Variants in ZCWPW1 observed in about 807,000 individuals in gnomAD.
ZCWPW1 encodes the protein zinc finger CW-type and PWWP domain containing 1, also known as zinc finger CW-type PWWP domain protein 1.
A neutral mutation model predicts 81.3 loss-of-function variants in ZCWPW1; 56 were observed. That is an observed-to-expected ratio of 0.69 (90% CI 0.56 to 0.86). The LOEUF (loss-of-function observed/expected upper bound fraction) is 0.86. Among genes scored for constraint, ZCWPW1 ranks in the 40% least tolerant of loss-of-function variants. The pLI, the probability that ZCWPW1 is intolerant of heterozygous loss-of-function variation, is 0.00. For synonymous variants in ZCWPW1, 250 were observed against 273.7 expected (o/e 0.91, Z 0.86); for missense variants, 650 against 769.8 (o/e 0.84, Z 1.84).
At position 100,402,648 on chromosome 7, in the gene ZCWPW1, C is replaced by T. The variant is rs1792167032; in HGVS notation, c.1414-72G>A. The T allele has an allele frequency of 4.1e-6, 6 of 1,478,678 alleles. No homozygotes were observed. The South Asian group carries it at 6.8e-5, about 17-fold the overall frequency. 91.6% of individuals were successfully genotyped at this position (1,478,678 alleles called of 1,614,324 possible). On this transcript the variant is annotated intron_variant, in intron 15 of 17. Coordinates refer to ENST00000684423, the MANE Select transcript of ZCWPW1 (RefSeq NM_001386010.1). Reference sequence around the variant, plus strand: ...TAACTGTTTTTAATAGAGAAGGATGCTACAGAATGACAGGTGGGCTTTGGG... The same window carrying T: ...TAACTGTTTTTAATAGAGAAGGATGTTACAGAATGACAGGTGGGCTTTGGG...
rs372979817 is a variant in ZCWPW1 at position 100,401,233 on chromosome 7, C to T, written c.1731G>A (p.Ala577=). 155 of 1,614,132 alleles carry T rather than the reference C, an allele frequency of 9.6e-5. No individual in the cohort carries two copies. Among genetic ancestry groups the T allele is most frequent in the African/African-American group, 3.6e-4 (27 of 74,952 alleles). Residue 577 remains alanine, a synonymous_variant, in exon 18 of 18, where the codon GCG becomes GCA. Coordinates refer to ENST00000684423, the MANE Select transcript of ZCWPW1 (RefSeq NM_001386010.1). ...CAGATGAGGGGCAGGCCCCCTTACA[C>T]GCTGATAGGCCCAGGTTCTTTGGCA... The part of the protein sequence containing the change: ...RTVPKNLGLS[A]CKGACPSSAK...
At chr7:100,403,594 TG>T in intron 15 of ZCWPW1, 99 bp downstream of exon 15, 1 of 945,930 alleles carries the variant, frequency 1.1e-6, no homozygotes, top group Non-Finnish European at 1.5e-6. Flanking sequence ...AAGGCTGAGG[TG>T]GGAGGATTGC....
At chr7:100,403,238 G>A (rs1792289020) in intron 15 of ZCWPW1, among the ~76,000 whole-genome samples, 1 of 149,328 alleles carries the variant, frequency 6.7e-6, no homozygotes, top group African/African-American at 2.5e-5. Context: ...TTTTTTGAGA[G>A]GGAGTTTCGC....
At position 100,403,746 on chromosome 7, in the gene ZCWPW1, A is replaced by T. The variant is rs750492611; in HGVS notation, c.1361T>A (p.Leu454Ter). 5.0e-6 allele frequency: 8 copies of T among 1,613,748 alleles called. No homozygotes were observed. The highest frequency in any genetic ancestry group is 1.3e-5 in the African/African-American group (1 of 74,870). Residue 454 changes from leucine to a stop codon, truncating the protein, a stop_gained, in exon 15 of 18, where the codon TTA becomes TAA. Coordinates refer to ENST00000684423, the MANE Select transcript of ZCWPW1 (RefSeq NM_001386010.1). LOFTEE classifies it high-confidence loss of function. ...LSGLNSPGSC[L>*]EKKEKEEELE... ...CTCTTCCTCTTTCTCCTTTTTCTCT[A>T]AGCAGGATCCTGGGCTGTTCAAACC...
intron 2 of ZCWPW1, among the ~76,000 whole-genome samples, chr7:100,422,983 C>T (rs1051604036): frequency 2.6e-5 from 4 of 152,140 alleles, no homozygotes; most frequent in Non-Finnish European, 5.9e-5. Context: ...ATTTTATTAA[C>T]CTTAACTTCT....
intron 8 of ZCWPW1, among the ~76,000 whole-genome samples, chr7:100,415,475 T>C (rs557679413): frequency 5.9e-5 from 9 of 152,206 alleles, no homozygotes; most frequent in Non-Finnish European, 1.3e-4. Context: ...TAAGCTGCCA[T>C]TCACGCTTAT....
rs546031995 is a variant in ZCWPW1, at chr7:100,427,944, C to G, written c.-137+624G>C. ...ATCTCCCCTCCACCCCCACTCCTGC[C>G]GAGGCCCCGTGATCCTTATTCTCAC... On this transcript the variant is annotated intron_variant, in intron 1 of 17. Coordinates refer to ENST00000684423, the MANE Select transcript of ZCWPW1 (RefSeq NM_001386010.1). Among the ~76,000 whole-genome samples, 11 of 151,900 alleles carry G rather than the reference C, an allele frequency of 7.2e-5. No homozygotes were observed. The South Asian group carries it at 1.9e-3, about 26-fold the overall frequency.
chr7:100,416,867 AC>A (rs1795332967), intron 6 of ZCWPW1, among the ~76,000 whole-genome samples, 198 bp downstream of exon 6: 1 of 150,878 alleles, frequency 6.6e-6, no homozygotes, highest in African/African-American at 2.4e-5. Flanking sequence ...AATTGCTTGA[AC>A]CCAGGAGGCA....
chr7:100,422,815 A>G (rs929571897), intron 2 of ZCWPW1, among the ~76,000 whole-genome samples: 3 of 152,172 alleles, frequency 2.0e-5, no homozygotes, highest in Non-Finnish European at 4.4e-5. Flanking sequence ...CCCACTTTAT[A>G]AGTGAGAATA....
intron 5 of ZCWPW1, among the ~76,000 whole-genome samples, chr7:100,418,196 G>A (rs563458042): frequency 6.8e-4 from 103 of 152,208 alleles, no homozygotes; most frequent in Middle Eastern, 6.8e-3. Flanking sequence ...CCCTCACTGC[G>A]TTCTTTATTC....
At position 100,420,663 on chromosome 7, in the gene ZCWPW1, T is replaced by C; in HGVS notation, c.-14A>G. The C allele has an allele frequency of 3.7e-6, 6 of 1,613,996 alleles. No individual in the cohort carries two copies. Among genetic ancestry groups the C allele is most frequent in the Non-Finnish European group, 5.1e-6 (6 of 1,180,026 alleles). ...CGTTGTCATCATTCAGCTTAGAAAC[T>C]ACGCTTTGTGTGCCTCTGTTAGAAA... is the stretch of plus-strand genomic sequence containing the variant. On this transcript the variant is annotated 5_prime_UTR_variant, in exon 3 of 18. Coordinates refer to ENST00000684423, the MANE Select transcript of ZCWPW1 (RefSeq NM_001386010.1).
intron 8 of ZCWPW1, among the ~76,000 whole-genome samples, chr7:100,410,769 C>T (rs1404483692): frequency 1.3e-5 from 2 of 152,232 alleles, no homozygotes; most frequent in East Asian, 3.8e-4. Context: ...CCCCGTCTTC[C>T]ACCTCACTTG....
Position 100,415,981 on chromosome 7 carries a change from C to T in ZCWPW1, c.748G>A (p.Gly250Ser), listed in dbSNP as rs1366846349. 1 of 1,613,986 alleles carries T rather than the reference C, an allele frequency of 6.2e-7. No homozygotes were observed. The highest frequency in any genetic ancestry group is 1.3e-5 in the African/African-American group (1 of 74,926). Reference protein sequence around the residue: ...IRDQQKGEISGFGQCLVWVQC... With the variant: ...IRDQQKGEISSFGQCLVWVQC... ...CCAAACCAGCTAAACTCACCAAAAC[C>T]ACTTATCTCTCCTTTTTGCTGGTCC... Residue 250 changes from glycine (G) to serine (S), a missense_variant, in exon 8 of 18, where the codon GGT becomes AGT. By Grantham distance (56) the Gly-to-Ser change is moderately conservative (BLOSUM62 0). Coordinates refer to ENST00000684423, the MANE Select transcript of ZCWPW1 (RefSeq NM_001386010.1).
chr7:100,419,926 C>G (rs770804321), intron 3 of ZCWPW1, 43 bp from the exon 4 acceptor site: 6 of 1,469,910 alleles, frequency 4.1e-6, no homozygotes, highest in Admixed American at 2.3e-5. Context: ...AACATACAGT[C>G]TAACAGAGAT....
At chr7:100,407,826 T>C (rs1204118930) in intron 10 of ZCWPW1, among the ~76,000 whole-genome samples, 1 of 152,182 alleles carries the variant, frequency 6.6e-6, no homozygotes, top group Non-Finnish European at 1.5e-5. Context: ...ATATACCTAG[T>C]GAAGGTATCT....
intron 15 of ZCWPW1, 135 bp downstream of exon 15, chr7:100,403,559 C>T (rs934253110): frequency 7.5e-5 from 41 of 547,638 alleles, no homozygotes; most frequent in Non-Finnish European, 1.1e-4. Context: ...TGTGGTGGCT[C>T]ATGCCTGTAA....
intron 13 of ZCWPW1, among the ~76,000 whole-genome samples, 156 bp downstream of exon 13, chr7:100,404,857 C>A (rs1055793844): frequency 6.6e-6 from 1 of 152,130 alleles, no homozygotes; most frequent in Non-Finnish European, 1.5e-5. Flanking sequence ...ACTGACTCCA[C>A]AGAAAAGAGA....
At chr7:100,404,353 C>T (rs1792544203) in intron 13 of ZCWPW1, 109 bp from the exon 14 acceptor site, 3 of 982,500 alleles carry the variant, frequency 3.1e-6, no homozygotes, top group African/African-American at 1.6e-5. Flanking sequence ...ATTTTCCATA[C>T]CAAAATTATC....
At chr7:100,409,307 A>G (rs1450011616) in intron 9 of ZCWPW1, 121 bp downstream of exon 9, 2 of 767,340 alleles carry the variant, frequency 2.6e-6, no homozygotes, top group Non-Finnish European at 4.2e-6. Flanking sequence ...CTCTCTCCCA[A>G]GCACTACAAG....
Sources: allele counts gnomAD v4.1 joint callset (sites outside exome capture counted in the v4.1 genomes callset), GRCh38; gene constraint gnomAD v4.1.1; transcripts MANE v1.5; gene names NCBI Gene and HGNC (gene_info 2026-07-23, HGNC 2026-07-21).